KIF3C: variants seen among roughly 807,000 people sequenced by gnomAD.
The protein encoded by KIF3C is kinesin-like protein KIF3C.
In KIF3C, 12 loss-of-function variants were observed where a neutral mutation model predicts 67.7. The ratio of observed to expected loss-of-function variants is 0.18; its 90% CI spans 0.11 to 0.29. The LOEUF is 0.29. Ranked by LOEUF, KIF3C falls within the 10% of genes least tolerant of loss-of-function variation. The probability of loss-of-function intolerance (pLI) is 1.00; values close to 1 mark genes in which losing one functional copy is unlikely to be tolerated. For missense variants in KIF3C, 789 were observed against 1,059.6 expected, an observed-to-expected ratio of 0.74 and a Z score of 3.55; for synonymous variants, 393 against 426.2, an observed-to-expected ratio of 0.92 and a Z score of 0.96.
intron 5 of KIF3C, among the ~76,000 whole-genome samples, chr2:25,933,692 A>C (rs1001754443): frequency 6.6e-6 from 1 of 151,760 alleles, no homozygotes; most frequent in Non-Finnish European, 1.5e-5. Context: ...AAAAAAAAAA[A>C]CCCACAATGG....
chr2:25,955,848 C>T lies in KIF3C; in HGVS notation c.1648-185G>A, dbSNP rs35503229. Among the ~76,000 whole-genome samples the T allele has an allele frequency of 0.16, 24,656 of 152,036 alleles. 2,253 individuals carry two copies. Among genetic ancestry groups the T allele is most frequent in the African/African-American group, 0.25 (10,261 of 41,452 alleles). On this transcript the variant is annotated intron_variant, in intron 2 of 7. Transcript: ENST00000264712. This position sits in a 1 kb window ranked among gnomAD's most constrained non-coding sequence, Gnocchi z 5.0. Reference sequence around the variant, plus strand: ...GGAACCCTCCTCTCAGTTCCCAGGGCCATGCCTTTGCCAGGCTCTGCCCCA... The same window carrying T: ...GGAACCCTCCTCTCAGTTCCCAGGGTCATGCCTTTGCCAGGCTCTGCCCCA...
chr2:25,971,883 T>TTTTTTTTTTTTTTTTTTC, intron 1 of KIF3C, among the ~76,000 whole-genome samples: 1 of 139,312 alleles, frequency 7.2e-6, no homozygotes, highest in Non-Finnish European at 1.6e-5. Flanking sequence ...TTTTTTTTTT[T>TTTTTTTTTTTTTTTTTTC]TTTTTTTTTT....
chr2:25,945,733 C>T (rs77134280), intron 5 of KIF3C, among the ~76,000 whole-genome samples: 4,396 of 151,416 alleles, frequency 0.029, 199 homozygotes, highest in African/African-American at 0.1. Context: ...GCCAGTGCAC[C>T]GCAGCCTGGG....
rs146252633 is a variant in KIF3C, at chr2:25,979,478, C to T, written c.1545+895G>A. 9.0e-3 allele frequency among the ~76,000 whole-genome samples: 1,372 copies of T among 152,188 alleles called. 18 individuals are homozygous for T. Among genetic ancestry groups the T allele is most frequent in the African/African-American group, 0.032 (1,314 of 41,504 alleles). On this transcript the variant is annotated intron_variant, in intron 1 of 7. Coordinates refer to ENST00000264712, the MANE Select transcript of KIF3C (RefSeq NM_002254.8). ...GTAGAGCCTCAGAGATCACCCAGGC[C>T]AACCCTCTATTTTACAGAAAGGTAA...
intron 5 of KIF3C, among the ~76,000 whole-genome samples, chr2:25,937,700 C>T (rs1178952647): frequency 3.3e-5 from 5 of 152,106 alleles, no homozygotes; most frequent in Non-Finnish European, 7.4e-5. Context: ...CTTTTGTGTC[C>T]AAGGTCATGC....
intron 1 of KIF3C, among the ~76,000 whole-genome samples, chr2:25,962,804 T>C (rs1314499017): frequency 2.5e-5 from 2 of 80,280 alleles, no homozygotes; most frequent in Non-Finnish European, 4.4e-5. Flanking sequence ...TATTATATAA[T>C]ATATAATATA....
chr2:25,982,384 T>C lies in KIF3C; in HGVS notation c.-467A>G, dbSNP rs1664627794. 5.0e-6 allele frequency: 2 copies of C among 398,764 alleles called. No individual in the cohort carries two copies. Among genetic ancestry groups the C allele is most frequent in the Admixed American group, 4.4e-5 (1 of 22,748 alleles). 24.7% of individuals were successfully genotyped at this position (398,764 alleles called of 1,614,324 possible). A position where few individuals can be genotyped will look rare whatever the true frequency, so the allele number is the denominator to read the frequency against. ...TCCCGGGCCTCCCGAGGGCAGAGGC[T>C]CACCTGGAGTCCTCCCCCCAAGCTG... On this transcript the variant is annotated 5_prime_UTR_variant, in exon 1 of 8. It removes the in-frame stop codon of an upstream open reading frame in the 5' UTR. Transcript: ENST00000264712.
chr2:25,933,018 A>G (rs982077734), intron 5 of KIF3C, among the ~76,000 whole-genome samples: 2 of 152,168 alleles, frequency 1.3e-5, no homozygotes, highest in African/African-American at 2.4e-5. Context: ...TGGGAGCCCA[A>G]GGCAGGTGGA....
At chr2:25,969,726 T>A (rs558837040) in intron 1 of KIF3C, among the ~76,000 whole-genome samples, 1 of 136,872 alleles carries the variant, frequency 7.3e-6, no homozygotes, top group East Asian at 1.9e-4. Context: ...GGGTTTTTGT[T>A]TTTTTTTTTT....
At position 25,981,972 on chromosome 2, in the gene KIF3C, CTA is replaced by C. The variant is rs1664608828; in HGVS notation, c.-57_-56del. On this transcript the variant is annotated 5_prime_UTR_variant, in exon 1 of 8. Transcript: ENST00000264712. This position sits in a 1 kb window ranked among gnomAD's most constrained non-coding sequence, Gnocchi z 8.2. Reference sequence around the variant, plus strand: ...CCCCTCCGCAGCCTGGGCGGTCCTGCTATCCTGCTCGCTAGGTCGGGATCAGC... The same window carrying C: ...CCCCTCCGCAGCCTGGGCGGTCCTGCTCCTGCTCGCTAGGTCGGGATCAGC... 7.1e-7 allele frequency: 1 copy of C among 1,412,226 alleles called. No homozygotes were observed. The highest frequency in any genetic ancestry group is 9.4e-7 in the Non-Finnish European group (1 of 1,058,988). The allele number at this position is 1,412,226 out of a possible 1,614,324, so 87.5% of individuals were successfully genotyped here. A position where few individuals can be genotyped will look rare whatever the true frequency, so the allele number is the denominator to read the frequency against.
chr2:25,968,354 C>T (rs886527166), intron 1 of KIF3C, among the ~76,000 whole-genome samples: 10 of 152,090 alleles, frequency 6.6e-5, no homozygotes, highest in African/African-American at 2.2e-4. Context: ...AGGGATGAGG[C>T]GAGCTGGACT....
chr2:25,961,008 A>G (rs565758519), intron 1 of KIF3C, among the ~76,000 whole-genome samples: 8 of 152,380 alleles, frequency 5.3e-5, no homozygotes, highest in Admixed American at 5.2e-4. Flanking sequence ...CCAAAGCCCA[A>G]GCTCTTCCTA....
chr2:25,951,859 T>C lies in KIF3C; in HGVS notation c.1936A>G (p.Ile646Val). Residue 646 changes from isoleucine (I) to valine (V), a missense_variant, in exon 5 of 8, where the codon ATC becomes GTC. This residue lies in a region of KIF3C where 648 missense variants were observed against 807.8 expected (regional missense o/e 0.80). Transcript: ENST00000264712. ...NFIPPEEKNK[I>V]MNRLFLDCEE... is the part of the protein sequence containing the mutation. ...CAGTCCAGGAAAAGCCGGTTCATGA[T>C]CTTGTTCTTCTCCTCCGGCGGGATG... 6.2e-7 allele frequency: 1 copy of C among 1,614,120 alleles called. No homozygotes were observed. The highest frequency in any genetic ancestry group is 1.1e-5 in the South Asian group (1 of 91,086).
chr2:25,942,933 T>G (rs536152446), intron 5 of KIF3C, among the ~76,000 whole-genome samples: 2 of 152,290 alleles, frequency 1.3e-5, no homozygotes, highest in South Asian at 4.1e-4. Flanking sequence ...GATGGATGCT[T>G]AGAGCTGGAG....
chr2:25,938,268 G>T (rs1471554143), intron 5 of KIF3C: 2 of 452,100 alleles, frequency 4.4e-6, no homozygotes, highest in East Asian at 7.0e-5. Context: ...GTTACTCAGA[G>T]AATTGCTTGA....
Position 25,927,021 on chromosome 2 carries a change from TAAACACGCACAC to T in KIF3C, c.*1945_*1956del, listed in dbSNP as rs1182543854. 3.3e-5 allele frequency: 5 copies of T among 152,228 alleles called. No individual in the cohort carries two copies. The highest frequency in any genetic ancestry group is 2.1e-4 in the South Asian group (1 of 4,810). 9.4% of individuals were successfully genotyped at this position (152,228 alleles called of 1,614,324 possible). ...GAGTGTAGAGTGTCCCCTGTGGAGG[TAAACACGCACAC>T]AAACACGCACACACATACACACATA... On this transcript the variant is annotated 3_prime_UTR_variant, in exon 8 of 8. Coordinates refer to ENST00000264712, the MANE Select transcript of KIF3C (RefSeq NM_002254.8).
Position 25,951,877 on chromosome 2 carries a change from G to A in KIF3C, c.1918C>T (p.Pro640Ser), listed in dbSNP as rs1169232956. The A allele has an allele frequency of 1.2e-6, 2 of 1,613,906 alleles. No individual in the cohort carries two copies. The highest frequency in any genetic ancestry group is 1.7e-6 in the Non-Finnish European group (2 of 1,179,808). Reference protein sequence around the residue: ...KYLIIENFIPPEEKNKIMNRL... With the variant: ...KYLIIENFIPSEEKNKIMNRL... ...TTCATGATCTTGTTCTTCTCCTCCG[G>A]CGGGATGAAGTTCTCGATGATTAGG... is the stretch of plus-strand genomic sequence containing the variant. Residue 640 changes from proline (P) to serine (S), a missense_variant, in exon 5 of 8, where the codon CCG (proline) becomes TCG (serine). By Grantham distance (74) the Pro-to-Ser change is moderately conservative. Transcript: ENST00000264712.
chr2:25,982,205 C>G lies in KIF3C; in HGVS notation c.-288G>C. ...CCGAGCAGCCGTGCCCGGAGCCCGCCCCATGCAGGAGCAGAGGGAGCGCTG... is the reference window on the plus strand; with the variant it reads ...CCGAGCAGCCGTGCCCGGAGCCCGCGCCATGCAGGAGCAGAGGGAGCGCTG... On this transcript the variant is annotated 5_prime_UTR_variant, in exon 1 of 8. Coordinates refer to ENST00000264712, the MANE Select transcript of KIF3C (RefSeq NM_002254.8). 1 of 438,792 alleles carries G rather than the reference C, an allele frequency of 2.3e-6. No homozygotes were observed. Among genetic ancestry groups the G allele is most frequent in the East Asian group, 3.4e-5 (1 of 29,586 alleles). 27.2% of individuals were successfully genotyped at this position (438,792 alleles called of 1,614,324 possible). A position where few individuals can be genotyped will look rare whatever the true frequency, so the allele number is the denominator to read the frequency against.
intron 4 of KIF3C, among the ~76,000 whole-genome samples, chr2:25,952,833 C>T (rs959069435): frequency 3.2e-4 from 48 of 151,838 alleles, no homozygotes; most frequent in Admixed American, 3.1e-3. Context: ...GCTGGGATTA[C>T]AGGTATAAGC....
Sources: allele counts gnomAD v4.1 joint callset (sites outside exome capture counted in the v4.1 genomes callset), GRCh38; gene constraint gnomAD v4.1.1; regional missense constraint gnomAD v4.1.1; non-coding constraint Gnocchi (gnomAD v3.1); transcripts MANE v1.5; gene names NCBI Gene and HGNC (gene_info 2026-07-23, HGNC 2026-07-21).